MPPED1: variants seen among roughly 807,000 people sequenced by gnomAD.
MPPED1 encodes metallophosphoesterase domain containing 1.
MPPED1 carries 16 observed loss-of-function variants against 36.2 expected under a neutral mutation model. The ratio of observed to expected loss-of-function variants is 0.44; its 90% CI spans 0.30 to 0.67. The LOEUF (loss-of-function observed/expected upper bound fraction) is 0.67. Ranked by LOEUF, MPPED1 falls within the 30% of genes least tolerant of loss-of-function variation. The pLI, the probability that MPPED1 is intolerant of heterozygous loss-of-function variation, is 0.10. For synonymous variants in MPPED1, 199 were observed against 191.3 expected (o/e 1.04, Z -0.33); for missense variants, 307 against 453.4 (o/e 0.68, Z 2.93).
chr22:43,472,620 A>G (rs541133108), intron 3 of MPPED1, among the ~76,000 whole-genome samples: 1 of 152,308 alleles, frequency 6.6e-6, no homozygotes, highest in African/African-American at 2.4e-5. Flanking sequence ...TCTTTCTCAA[A>G]CCTGTGAAGC....
At chr22:43,457,855 T>C (rs769119782) in intron 3 of MPPED1, among the ~76,000 whole-genome samples, 1 of 152,220 alleles carries the variant, frequency 6.6e-6, no homozygotes, top group Non-Finnish European at 1.5e-5. Flanking sequence ...TTGTGCATTA[T>C]AAGCTCATTA....
chr22:43,502,784 TC>T lies in MPPED1; in HGVS notation c.862+28del. 2 of 1,599,940 alleles carry T rather than the reference TC, an allele frequency of 1.3e-6. No homozygotes were observed. Among genetic ancestry groups the T allele is most frequent in the Admixed American group, 1.7e-5 (1 of 59,982 alleles). On this transcript the variant is annotated intron_variant, in intron 6 of 6. Coordinates refer to ENST00000443721, the MANE Select transcript of MPPED1 (RefSeq NM_001044370.2). This position sits in a 1 kb window ranked among gnomAD's most constrained non-coding sequence, Gnocchi z 5.5. ...TCAGTACGTAGCGGAGACAGGCACC[TC>T]ACGGGCTAGGGGCTCCTAATGGACC...
chr22:43,488,331 C>T (rs576377481), intron 4 of MPPED1, among the ~76,000 whole-genome samples: 5 of 152,298 alleles, frequency 3.3e-5, no homozygotes, highest in African/African-American at 1.2e-4. Context: ...CTCCTGGGGA[C>T]ACGACCTACC....
At chr22:43,488,197 TC>T in intron 4 of MPPED1, among the ~76,000 whole-genome samples, 1 of 152,100 alleles carries the variant, frequency 6.6e-6, no homozygotes, top group South Asian at 2.1e-4. Flanking sequence ...TACGCCGCCC[TC>T]AGCCTCATGC....
At chr22:43,459,991 G>A (rs924314202) in intron 3 of MPPED1, among the ~76,000 whole-genome samples, 5 of 151,752 alleles carry the variant, frequency 3.3e-5, no homozygotes, top group Non-Finnish European at 7.4e-5. Context: ...AGTGGATCAC[G>A]AGGTCAAGAG....
chr22:43,496,998 T>A (rs1429177843), intron 4 of MPPED1, among the ~76,000 whole-genome samples: 1 of 124,364 alleles, frequency 8.0e-6, no homozygotes, highest in Non-Finnish European at 1.7e-5. Context: ...GTGGTGGAGG[T>A]GGTGGTGGTG....
chr22:43,460,486 A>G (rs1049529953), intron 3 of MPPED1, among the ~76,000 whole-genome samples: 1 of 151,882 alleles, frequency 6.6e-6, no homozygotes, highest in Non-Finnish European at 1.5e-5. Flanking sequence ...GAGCACCAAC[A>G]CACTTAGGCT....
chr22:43,495,659 G>C (rs1381285985), intron 4 of MPPED1, among the ~76,000 whole-genome samples: 1 of 86,280 alleles, frequency 1.2e-5, no homozygotes, highest in Non-Finnish European at 2.4e-5. Flanking sequence ...GGAGGTAGTG[G>C]TGGTGGAGGT....
intron 4 of MPPED1, among the ~76,000 whole-genome samples, chr22:43,495,464 CTGGTGATGGTGGAGGTGG>C (rs1932246633): frequency 1.5e-5 from 1 of 67,508 alleles, no homozygotes; most frequent in Non-Finnish European, 3.2e-5. Context: ...GGTGGAAGTG[CTGGTGATGGTGGAGGTGG>C]TGGTGGAGGT....
chr22:43,412,210 C>G (rs1928925748), intron 1 of MPPED1, 52 bp downstream of exon 1: 1 of 936,312 alleles, frequency 1.1e-6, no homozygotes, highest in Non-Finnish European at 1.3e-6. Flanking sequence ...AGGCCGGGCG[C>G]GGGGCGCGGC....
At chr22:43,446,819 G>A (rs1294450957) in intron 3 of MPPED1, among the ~76,000 whole-genome samples, 1 of 152,176 alleles carries the variant, frequency 6.6e-6, no homozygotes, top group African/African-American at 2.4e-5. Context: ...ACAAACATTT[G>A]TGGCACCTCT....
chr22:43,470,843 G>T (rs916602397), intron 3 of MPPED1, among the ~76,000 whole-genome samples: 1 of 152,226 alleles, frequency 6.6e-6, no homozygotes, highest in African/African-American at 2.4e-5. Context: ...ACACCCACAG[G>T]CATTCTTGTG....
intron 4 of MPPED1, among the ~76,000 whole-genome samples, chr22:43,477,691 G>C (rs1410378961): frequency 6.6e-6 from 1 of 152,204 alleles, no homozygotes; most frequent in Non-Finnish European, 1.5e-5. Context: ...GCAGGTGCCT[G>C]CTGTCATCTC....
At chr22:43,443,397 A>G (rs1930221548) in intron 3 of MPPED1, among the ~76,000 whole-genome samples, 1 of 152,176 alleles carries the variant, frequency 6.6e-6, no homozygotes, top group African/African-American at 2.4e-5. Flanking sequence ...ACGCCAGGGT[A>G]CCAGGAGAGG....
chr22:43,502,591 T>A lies in MPPED1; in HGVS notation c.749-53T>A, dbSNP rs1932757266. ...GAAGCTGCTGCTAGGCGTGGGGCAG[T>A]GAGGGGCTGGGACAGACCGCGTCAT... is the stretch of plus-strand genomic sequence containing the variant. On this transcript the variant is annotated intron_variant, in intron 5 of 6. Coordinates refer to ENST00000443721, the MANE Select transcript of MPPED1 (RefSeq NM_001044370.2). This position sits in a 1 kb window ranked among gnomAD's most constrained non-coding sequence, Gnocchi z 5.5. 6.9e-7 allele frequency: 1 copy of A among 1,453,018 alleles called. No individual in the cohort carries two copies. Among genetic ancestry groups the A allele is most frequent in the Admixed American group, 1.7e-5 (1 of 58,326 alleles). The allele number at this position is 1,453,018 out of a possible 1,614,324, so 90.0% of individuals were successfully genotyped here.
Position 43,506,018 on chromosome 22 carries a change from G to T in MPPED1, c.*402G>T, listed in dbSNP as rs192570746. On this transcript the variant is annotated 3_prime_UTR_variant, in exon 7 of 7. Coordinates refer to ENST00000443721, the MANE Select transcript of MPPED1 (RefSeq NM_001044370.2). ...CCCTCTAACCACGGGTCTGTGTGGC[G>T]GCATGCCCCTGGGTTGGGGTGGGTG... 1.2e-5 allele frequency: 2 copies of T among 167,820 alleles called. No homozygotes were observed. The highest frequency in any genetic ancestry group is 1.2e-4 in the Admixed American group (2 of 16,420). 10.4% of individuals were successfully genotyped at this position (167,820 alleles called of 1,614,324 possible). A position where few individuals can be genotyped will look rare whatever the true frequency, so the allele number is the denominator to read the frequency against.
intron 3 of MPPED1, among the ~76,000 whole-genome samples, chr22:43,450,440 C>T (rs753832876): frequency 6.6e-6 from 1 of 152,370 alleles, no homozygotes; most frequent in Admixed American, 6.5e-5. Context: ...TGCTTAGCCT[C>T]GTGGGTCCTG....
In MPPED1 at chr22:43,412,701, C is replaced by CCATCCATA. The variant is rs1322473698; in HGVS notation, c.-79+545_-79+546insTCCATACA. On this transcript the variant is annotated intron_variant, in intron 1 of 6. Coordinates refer to ENST00000443721, the MANE Select transcript of MPPED1 (RefSeq NM_001044370.2). ...TCCATCCATCCATCCATCCATCCAT[C>CCATCCATA]CACTCACTCAACACATATTTATTCC... is the stretch of plus-strand genomic sequence containing the variant. Among the ~76,000 whole-genome samples, 4 of 151,686 alleles carry CCATCCATA rather than the reference C, an allele frequency of 2.6e-5. No homozygotes were observed. In the East Asian group the frequency reaches 7.8e-4, roughly 29 times the overall value.
chr22:43,423,696 C>A (rs905566794), intron 1 of MPPED1, among the ~76,000 whole-genome samples: 1 of 152,200 alleles, frequency 6.6e-6, no homozygotes, highest in Non-Finnish European at 1.5e-5. Flanking sequence ...AATTTGTTTT[C>A]TGACTGTGTC....
Sources: allele counts gnomAD v4.1 joint callset (sites outside exome capture counted in the v4.1 genomes callset), GRCh38; gene constraint gnomAD v4.1.1; non-coding constraint Gnocchi (gnomAD v3.1); transcripts MANE v1.5; gene names NCBI Gene and HGNC (gene_info 2026-07-23, HGNC 2026-07-21).